SSBP3: variants seen among roughly 807,000 people sequenced by gnomAD.
The protein encoded by SSBP3 is single stranded DNA binding protein 3, also known as single-stranded DNA-binding protein 3.
In SSBP3, 5 loss-of-function variants were observed where a neutral mutation model predicts 69.6. That is an observed-to-expected ratio of 0.07 (90% CI 0.04 to 0.15). The LOEUF is 0.15. Ranked by LOEUF, SSBP3 falls within the 10% of genes least tolerant of loss-of-function variation. The pLI is 1.00. For missense variants in SSBP3, 312 were observed against 534.0 expected (o/e 0.58, Z 4.10); for synonymous variants, 196 against 193.4 (o/e 1.01, Z -0.11).
rs1467536762 is a variant in SSBP3, at chr1:54,287,577, A to AGGAG, written c.277-6054_277-6051dup. 5.3e-5 allele frequency among the ~76,000 whole-genome samples: 8 copies of AGGAG among 152,238 alleles called. No homozygotes were observed. The South Asian group carries it at 1.5e-3, about 28-fold the overall frequency. ...TGACGCCTGTCTGGTGGCCTGGGGA[A>AGGAG]GGAGGGAGGGAGGGATGCTGGCACT... On this transcript the variant is annotated intron_variant, in intron 4 of 17. Transcript: ENST00000610401.
chr1:54,371,281 C>T (rs1008474074), intron 4 of SSBP3, among the ~76,000 whole-genome samples: 4 of 152,184 alleles, frequency 2.6e-5, no homozygotes, highest in Non-Finnish European at 5.9e-5. Context: ...ACTCCAGCAC[C>T]GAGGAACACT....
At chr1:54,241,233 C>T (rs980919936) in intron 12 of SSBP3, among the ~76,000 whole-genome samples, 1 of 152,156 alleles carries the variant, frequency 6.6e-6, no homozygotes, top group Non-Finnish European at 1.5e-5. Context: ...CTGCGGTGGA[C>T]GCCAAGCAGC....
intron 4 of SSBP3, among the ~76,000 whole-genome samples, chr1:54,288,612 C>T (rs373170521): frequency 2.0e-4 from 30 of 151,810 alleles, no homozygotes; most frequent in Middle Eastern, 3.2e-3. Context: ...AGTATTTATT[C>T]CCCAACATCG....
At chr1:54,312,444 C>T (rs190910747) in intron 4 of SSBP3, among the ~76,000 whole-genome samples, 5 of 151,886 alleles carry the variant, frequency 3.3e-5, no homozygotes, top group East Asian at 1.9e-4. Flanking sequence ...ATAAATTAGC[C>T]GGGTGTGGTG....
At chr1:54,333,195 G>A (rs747577825) in intron 4 of SSBP3, among the ~76,000 whole-genome samples, 13 of 152,140 alleles carry the variant, frequency 8.5e-5, no homozygotes, top group Non-Finnish European at 1.9e-4. Flanking sequence ...TGTGCCTGGA[G>A]ACCTTGCATA....
intron 4 of SSBP3, among the ~76,000 whole-genome samples, chr1:54,285,247 G>A (rs1645466927): frequency 6.6e-6 from 1 of 152,162 alleles, no homozygotes; most frequent in South Asian, 2.1e-4. Flanking sequence ...ACGAAAAGCA[G>A]CAACCAGTGG....
rs116911428 is a variant in SSBP3 at position 54,390,460 on chromosome 1, G to A, written c.276+11401C>T. ...ACACCAAAGAAAGTATGTGGCGACA[G>A]TCAACTAGATTTAAGTTCATTTTCT... On this transcript the variant is annotated intron_variant, in intron 4 of 17. Coordinates refer to ENST00000610401, the Ensembl canonical transcript of SSBP3. Among the ~76,000 whole-genome samples the A allele has an allele frequency of 1.3e-4, 20 of 152,294 alleles. No homozygotes were observed. The East Asian group carries it at 3.9e-3, about 29-fold the overall frequency.
chr1:54,360,817 C>T (rs1330424511), intron 4 of SSBP3, among the ~76,000 whole-genome samples: 1 of 151,928 alleles, frequency 6.6e-6, no homozygotes, highest in East Asian at 1.9e-4. Flanking sequence ...CAGTGGCTCA[C>T]TCCTGTAATC....
chr1:54,275,581 C>T (rs1645269962), intron 5 of SSBP3, among the ~76,000 whole-genome samples: 1 of 152,232 alleles, frequency 6.6e-6, no homozygotes, highest in Non-Finnish European at 1.5e-5. Context: ...TTGACCCTCC[C>T]TGTGAACACA....
At chr1:54,370,153 T>C (rs1189480630) in intron 4 of SSBP3, among the ~76,000 whole-genome samples, 1 of 152,148 alleles carries the variant, frequency 6.6e-6, no homozygotes, top group Non-Finnish European at 1.5e-5. Context: ...TGCACCTCCC[T>C]AAGATCCTCC....
intron 3 of SSBP3, among the ~76,000 whole-genome samples, chr1:54,404,358 A>T (rs1211088727): frequency 1.3e-5 from 2 of 152,188 alleles, no homozygotes; most frequent in Non-Finnish European, 2.9e-5. Context: ...AACACCACAG[A>T]TGGTTTTGTC....
chr1:54,360,769 C>G (rs1338037921), intron 4 of SSBP3, among the ~76,000 whole-genome samples: 3 of 152,142 alleles, frequency 2.0e-5, no homozygotes, highest in Non-Finnish European at 4.4e-5. Flanking sequence ...TGCCCCAGGT[C>G]ATAGCCTGGA....
At chr1:54,388,709 G>A (rs770133375) in intron 4 of SSBP3, among the ~76,000 whole-genome samples, 1 of 152,222 alleles carries the variant, frequency 6.6e-6, no homozygotes, top group African/African-American at 2.4e-5. Flanking sequence ...CTCTGCAGAT[G>A]GGAGCTGTTC....
chr1:54,340,870 G>A (rs1351871308), intron 4 of SSBP3, among the ~76,000 whole-genome samples: 3 of 152,208 alleles, frequency 2.0e-5, no homozygotes, highest in Non-Finnish European at 4.4e-5. Flanking sequence ...GTCCCCACCA[G>A]AGCCAATCCA....
Position 54,302,183 on chromosome 1 carries a change from G to A in SSBP3, c.277-20656C>T, listed in dbSNP as rs1259492575. On this transcript the variant is annotated intron_variant, in intron 4 of 17. Coordinates refer to ENST00000610401, the Ensembl canonical transcript of SSBP3. ...TTCCCCTCCAGCCTGTAAGCAGGAG[G>A]ACAGGAACAGGACAACCTCTCTTCC... Among the ~76,000 whole-genome samples, 5 of 152,246 alleles carry A rather than the reference G, an allele frequency of 3.3e-5. No homozygotes were observed. The East Asian group carries it at 9.6e-4, about 29-fold the overall frequency.
chr1:54,340,362 T>C (rs868522593), intron 4 of SSBP3, among the ~76,000 whole-genome samples: 2 of 152,180 alleles, frequency 1.3e-5, no homozygotes, highest in Non-Finnish European at 2.9e-5. Context: ...TTTGCTGCCA[T>C]TGAGAGCCAG....
At chr1:54,393,412 C>A (rs567157947) in intron 4 of SSBP3, among the ~76,000 whole-genome samples, 6 of 152,162 alleles carry the variant, frequency 3.9e-5, no homozygotes, top group Non-Finnish European at 7.3e-5. Flanking sequence ...CAACGTCATT[C>A]TGCTGGCCCC....
At chr1:54,262,119 CT>C (rs1383865889) in intron 5 of SSBP3, among the ~76,000 whole-genome samples, 1 of 152,186 alleles carries the variant, frequency 6.6e-6, no homozygotes, top group Non-Finnish European at 1.5e-5. Flanking sequence ...GGCTCTGCCC[CT>C]GACTGCATTT....
intron 4 of SSBP3, chr1:54,287,519 T>C (rs1569625470): frequency 6.6e-6 from 1 of 152,084 alleles, no homozygotes; most frequent in Non-Finnish European, 1.5e-5. Context: ...GATGACTACA[T>C]ACAGAGGGCA....
Sources: gnomAD v4.1 joint callset for allele counts (sites outside exome capture counted in the v4.1 genomes callset) on GRCh38, gnomAD v4.1.1 for gene constraint, MANE v1.5 for transcripts, NCBI Gene and HGNC (gene_info 2026-07-23, HGNC 2026-07-21) for gene names.